Variants in OXR1 observed in about 807,000 individuals in gnomAD.
The protein encoded by OXR1 is oxidation resistance 1.
Under a neutral mutation model 104.6 loss-of-function variants are expected in OXR1, and 41 were observed. That is an observed-to-expected ratio of 0.39 (90% CI 0.31 to 0.51). The LOEUF is 0.51. Ranked by LOEUF, OXR1 falls within the 20% of genes least tolerant of loss-of-function variation. The pLI is 0.77. For synonymous variants in OXR1, 348 were observed against 348.4 expected (o/e 1.00, Z 0.01); for missense variants, 955 against 1,031.9 (o/e 0.93, Z 1.02).
Position 106,415,493 on chromosome 8 carries a change from CTG to C in OXR1, c.23+55879_23+55880del, listed in dbSNP as rs5893788. Reference sequence around the variant, plus strand: ...CCTTTACCATTTGGTAATTTTAAGACTGTGTGTGTGTGTGTGTGTGTGTCTGT... The same window carrying C: ...CCTTTACCATTTGGTAATTTTAAGACTGTGTGTGTGTGTGTGTGTGTCTGT... On this transcript the variant is annotated intron_variant, in intron 2 of 16. Transcript: ENST00000517566. 8.1e-3 allele frequency among the ~76,000 whole-genome samples: 1,206 copies of C among 148,728 alleles called. 11 individuals are homozygous for C. Among genetic ancestry groups the C allele is most frequent in the African/African-American group, 0.025 (1,030 of 40,636 alleles).
intron 3 of OXR1, among the ~76,000 whole-genome samples, chr8:106,673,295 T>A (rs1276740685): frequency 6.6e-6 from 1 of 152,222 alleles, no homozygotes; most frequent in African/African-American, 2.4e-5. Flanking sequence ...ACAAAGAGAC[T>A]GGTAGCATTT....
At chr8:106,509,893 C>T (rs1431747015) in intron 2 of OXR1, among the ~76,000 whole-genome samples, 1 of 152,108 alleles carries the variant, frequency 6.6e-6, no homozygotes, top group Non-Finnish European at 1.5e-5. Flanking sequence ...TCCTTAGCCT[C>T]CCTGAGTAGC....
At chr8:106,434,046 A>C (rs1159872217) in intron 2 of OXR1, among the ~76,000 whole-genome samples, 3 of 152,202 alleles carry the variant, frequency 2.0e-5, no homozygotes, top group African/African-American at 4.8e-5. Flanking sequence ...GGGAAACATA[A>C]TATCACATTT....
chr8:106,386,939 A>G (rs1404595690), intron 2 of OXR1, among the ~76,000 whole-genome samples: 1 of 152,172 alleles, frequency 6.6e-6, no homozygotes, highest in Non-Finnish European at 1.5e-5. Context: ...AGTAAGTTAG[A>G]TGATTGGAGG....
chr8:106,674,210 G>A (rs940965404), intron 3 of OXR1, among the ~76,000 whole-genome samples: 1 of 152,190 alleles, frequency 6.6e-6, no homozygotes, highest in Non-Finnish European at 1.5e-5. Flanking sequence ...CCACAGGGGT[G>A]GAACTGCTCA....
intron 3 of OXR1, among the ~76,000 whole-genome samples, chr8:106,661,367 A>G (rs1825748094): frequency 6.6e-6 from 1 of 152,156 alleles, no homozygotes; most frequent in African/African-American, 2.4e-5. Context: ...GAAAACCATA[A>G]TTGAGACTTA....
intron 3 of OXR1, among the ~76,000 whole-genome samples, chr8:106,603,719 T>C (rs1820142799): frequency 6.6e-6 from 1 of 152,166 alleles, no homozygotes; most frequent in Non-Finnish European, 1.5e-5. Context: ...AAGAGTACTT[T>C]AAGATGTCTT....
At position 106,739,576 on chromosome 8, in the gene OXR1, T is replaced by C; in HGVS notation, c.2156T>C (p.Ile719Thr). Reference protein sequence around the residue: ...DPSELLLPDQIEKLTKHLPPR... With the variant: ...DPSELLLPDQTEKLTKHLPPR... ...AGTGAACTTTTACTGCCAGATCAAA[T>C]TGAAAAGGTATGACATGCTCACATA... The change falls in exon 13 of 17, where the codon ATT becomes ACT. Residue 719 changes from isoleucine (I) to threonine (T), a missense_variant. Physicochemically the swap from Ile to Thr is moderately conservative, Grantham distance 89. Coordinates refer to ENST00000517566, the MANE Select transcript of OXR1 (RefSeq NM_001198533.2). The C allele has an allele frequency of 1.2e-6, 2 of 1,613,154 alleles. No individual in the cohort carries two copies. Among genetic ancestry groups the C allele is most frequent in the Non-Finnish European group, 1.7e-6 (2 of 1,179,582 alleles).
intron 2 of OXR1, among the ~76,000 whole-genome samples, chr8:106,451,039 C>A (rs928559404): frequency 6.6e-6 from 1 of 152,036 alleles, no homozygotes; most frequent in East Asian, 1.9e-4. Context: ...TAGAACCTAT[C>A]AAGGCTAAAG....
At chr8:106,689,312 G>A (rs1829050885) in intron 6 of OXR1, among the ~76,000 whole-genome samples, 1 of 151,990 alleles carries the variant, frequency 6.6e-6, no homozygotes, top group Admixed American at 6.6e-5. Context: ...CTTCCTGTAT[G>A]TATGTCTTCA....
chr8:106,510,316 G>A (rs1210344399), intron 2 of OXR1, among the ~76,000 whole-genome samples: 2 of 152,166 alleles, frequency 1.3e-5, no homozygotes, highest in East Asian at 1.9e-4. Context: ...GGAATGAAAT[G>A]ATGAACAGAC....
intron 1 of OXR1, among the ~76,000 whole-genome samples, chr8:106,271,239 C>T (rs1345545594): frequency 1.3e-5 from 2 of 152,120 alleles, no homozygotes; most frequent in African/African-American, 2.4e-5. Context: ...ACCCCTGGCT[C>T]CTCCTCCGTC....
At chr8:106,346,111 C>CG (rs1815470274) in intron 1 of OXR1, among the ~76,000 whole-genome samples, 2 of 151,346 alleles carry the variant, frequency 1.3e-5, no homozygotes, top group Admixed American at 6.6e-5. Flanking sequence ...CCCCCTACCG[C>CG]CGCCAGTGAA....
At chr8:106,549,988 C>A (rs1313245282) in intron 3 of OXR1, among the ~76,000 whole-genome samples, 2 of 152,176 alleles carry the variant, frequency 1.3e-5, no homozygotes, top group East Asian at 3.9e-4. Flanking sequence ...GTCTGCCTGG[C>A]ATTGTGCTAA....
intron 1 of OXR1, among the ~76,000 whole-genome samples, chr8:106,333,023 A>G (rs576828529): frequency 6.6e-6 from 1 of 152,252 alleles, no homozygotes; most frequent in South Asian, 2.1e-4. Flanking sequence ...TGCATATACT[A>G]TATTTTGTTT....
At chr8:106,494,516 C>T (rs1811296982) in intron 2 of OXR1, among the ~76,000 whole-genome samples, 1 of 152,150 alleles carries the variant, frequency 6.6e-6, no homozygotes. Context: ...TAAGTCCTAA[C>T]CCTCCCCAAC....
intron 9 of OXR1, among the ~76,000 whole-genome samples, chr8:106,709,525 A>AT (rs1831490170): frequency 6.6e-6 from 1 of 151,942 alleles, no homozygotes; most frequent in South Asian, 2.1e-4. Flanking sequence ...ACCTTATATT[A>AT]TAAAACCTTT....
chr8:106,509,597 C>T (rs937967019), intron 2 of OXR1, among the ~76,000 whole-genome samples: 3 of 152,040 alleles, frequency 2.0e-5, no homozygotes, highest in African/African-American at 7.2e-5. Flanking sequence ...CCTGTTTTGT[C>T]CCCCAGGGCA....
chr8:106,651,119 C>T lies in OXR1; in HGVS notation c.221-28091C>T, dbSNP rs185079218. On this transcript the variant is annotated intron_variant, in intron 3 of 16. Transcript: ENST00000517566. ...CTGCAAAATGACCCTCTTTGATGAT[C>T]CTGCAAAACGGTAGTACCATTATTC... Among the ~76,000 whole-genome samples, 174 of 152,232 alleles carry T rather than the reference C, an allele frequency of 1.1e-3. 1 individual carries two copies. The highest frequency in any genetic ancestry group is 2.3e-3 in the Non-Finnish European group (154 of 67,982).
Sources: gnomAD v4.1 joint callset for allele counts (sites outside exome capture counted in the v4.1 genomes callset) on GRCh38, gnomAD v4.1.1 for gene constraint, MANE v1.5 for transcripts, NCBI Gene and HGNC (gene_info 2026-07-23, HGNC 2026-07-21) for gene names.